Variants in SRSF11 observed in about 807,000 individuals in gnomAD.
SRSF11 encodes the protein serine and arginine rich splicing factor 11.
Under a neutral mutation model 56.0 loss-of-function variants are expected in SRSF11, and 9 were observed. That is an observed-to-expected ratio of 0.16 (90% CI 0.10 to 0.28). The LOEUF is 0.28. Among genes scored for constraint, SRSF11 ranks in the 10% least tolerant of loss-of-function variants. The pLI is 1.00. For missense variants in SRSF11, 421 were observed against 600.7 expected (o/e 0.70, Z 3.13); for synonymous variants, 222 against 215.3 (o/e 1.03, Z -0.27).
At chr1:70,231,303 T>G in intron 2 of SRSF11, 1 of 1,168,880 alleles carries the variant, frequency 8.6e-7, no homozygotes, top group Non-Finnish European at 1.1e-6. Flanking sequence ...ACTCTCATTT[T>G]GGGGGCTTGG....
At chr1:70,226,405 C>G (rs576878260) in intron 1 of SRSF11, among the ~76,000 whole-genome samples, 4 of 152,140 alleles carry the variant, frequency 2.6e-5, no homozygotes, top group African/African-American at 9.6e-5. Context: ...TGGAGCATTC[C>G]TATGCCATTA....
At chr1:70,207,759 T>G (rs567307269) in intron 1 of SRSF11, among the ~76,000 whole-genome samples, 1 of 150,248 alleles carries the variant, frequency 6.7e-6, no homozygotes, top group East Asian at 2.0e-4. Context: ...CAGGTCTCAC[T>G]CTGTCACCCA....
rs1338479496 is a variant in SRSF11 at position 70,252,582 on chromosome 1, CAA to C, written c.*1781_*1782del. 1 of 3,296 alleles carries C rather than the reference CAA, an allele frequency of 3.0e-4. No homozygotes were observed. The highest frequency in any genetic ancestry group is 9.5e-4 in the African/African-American group (1 of 1,052). 0.2% of individuals were successfully genotyped at this position (3,296 alleles called of 1,614,324 possible). On this transcript the variant is annotated 3_prime_UTR_variant, in exon 12 of 12. Coordinates refer to ENST00000370949, the MANE Select transcript of SRSF11 (RefSeq NM_001350605.2). The stretch of plus-strand genomic sequence containing the variant: ...GTAAGTAACTTTTTAAAGATTTTAT[CAA>C]AAAGAATTGTCTATAGTGAGTAAAA...
rs377434872 is a variant in SRSF11 at position 70,242,472 on chromosome 1, C to CTTTTTTTTTTTTTTT, written c.801-2202_801-2201insTTTTTTTTTTTTTTT. On this transcript the variant is annotated intron_variant, in intron 7 of 11. Transcript: ENST00000370949. ...CACCACACCTGGCTAATTTTTGCAC[C>CTTTTTTTTTTTTTTT]TTTTTTTTTTATGTAGAGACAGGGT... 1.3e-3 allele frequency among the ~76,000 whole-genome samples: 185 copies of CTTTTTTTTTTTTTTT among 139,358 alleles called. 3 individuals are homozygous for CTTTTTTTTTTTTTTT. The highest frequency in any genetic ancestry group is 4.5e-3 in the African/African-American group (168 of 37,020). 91.4% of individuals were successfully genotyped at this position (139,358 alleles called of 152,430 possible). A position where few individuals can be genotyped will look rare whatever the true frequency, so the allele number is the denominator to read the frequency against.
upstream of SRSF11, among the ~76,000 whole-genome samples, chr1:70,217,377 C>T (rs913281222): frequency 2.0e-5 from 3 of 152,074 alleles, no homozygotes; most frequent in Non-Finnish European, 4.4e-5. Flanking sequence ...AGGTTGGTCT[C>T]AACTCCCGAC....
rs1676339191 is a variant in SRSF11 at position 70,244,705 on chromosome 1, ACGG to A, written c.826_828del (p.Arg276del). 6.2e-7 allele frequency: 1 copy of A among 1,614,026 alleles called. No homozygotes were observed. Among genetic ancestry groups the A allele is most frequent in the African/African-American group, 1.3e-5 (1 of 74,918 alleles). The stretch of plus-strand genomic sequence containing the variant: ...TTAGGCGGTCAAGAAGCAGATCGAG[ACGG>A]CGGTCACATTCTAAGTCTAGGAGTC... On this transcript the variant is annotated inframe_deletion, in exon 8 of 12. Transcript: ENST00000370949.
Position 70,244,734 on chromosome 1 carries a change from G to C in SRSF11, c.851G>C (p.Arg284Pro). ...RRRSHSKSRS[R>P]RRSKSPRRRR... ...CGGTCACATTCTAAGTCTAGGAGTC[G>C]GCGACGATCCAAAAGCCCAAGGCGG... is the stretch of plus-strand genomic sequence containing the variant. Residue 284 changes from arginine (R) to proline (P), a missense_variant, in exon 8 of 12, where the codon CGG becomes CCG. By Grantham distance (103) the Arg-to-Pro change is moderately radical (BLOSUM62 -2). Coordinates refer to ENST00000370949, the MANE Select transcript of SRSF11 (RefSeq NM_001350605.2). The C allele has an allele frequency of 6.2e-7, 1 of 1,614,120 alleles. No individual in the cohort carries two copies. Among genetic ancestry groups the C allele is most frequent in the Non-Finnish European group, 8.5e-7 (1 of 1,180,016 alleles).
At chr1:70,223,954 A>G (rs1054587030) in intron 1 of SRSF11, among the ~76,000 whole-genome samples, 3 of 152,218 alleles carry the variant, frequency 2.0e-5, no homozygotes, top group Non-Finnish European at 2.9e-5. Flanking sequence ...TTCCACATCC[A>G]TGGATTCAGC....
intron 9 of SRSF11, 46 bp downstream of exon 9, chr1:70,246,953 C>T (rs1311328065): frequency 6.7e-7 from 1 of 1,498,056 alleles, no homozygotes; most frequent in Admixed American, 1.9e-5. Context: ...TTTAACTTTG[C>T]TTCTAACAGT....
chr1:70,249,724 ATTT>A (rs1301107935), intron 9 of SRSF11: 1 of 421,032 alleles, frequency 2.4e-6, no homozygotes, highest in Non-Finnish European at 4.4e-6. Flanking sequence ...CACCTGGCTA[ATTT>A]TTTTGTATTT....
chr1:70,237,535 C>T lies in SRSF11; in HGVS notation c.701C>T (p.Ser234Phe). Residue 234 changes from serine to phenylalanine, a missense_variant, in exon 6 of 12, where the codon TCT (serine) becomes TTT (phenylalanine). By Grantham distance (155) the Ser-to-Phe change is radical. Coordinates refer to ENST00000370949, the MANE Select transcript of SRSF11 (RefSeq NM_001350605.2). ...KRVREAQSLI[S>F]AAIEPDKKEE... is the part of the protein sequence containing the mutation. ...GTACGAGAAGCACAGTCCCTAATTTCTGCTGCTATAGAACCAGGTAAACAA... is the reference window on the plus strand; with the variant it reads ...GTACGAGAAGCACAGTCCCTAATTTTTGCTGCTATAGAACCAGGTAAACAA... The T allele has an allele frequency of 6.2e-7, 1 of 1,613,494 alleles. No individual in the cohort carries two copies. The highest frequency in any genetic ancestry group is 8.5e-7 in the Non-Finnish European group (1 of 1,179,876).
chr1:70,238,335 G>T (rs1674573146), intron 6 of SRSF11, among the ~76,000 whole-genome samples: 1 of 152,144 alleles, frequency 6.6e-6, no homozygotes, highest in Non-Finnish European at 1.5e-5. Flanking sequence ...GAAAATATAT[G>T]ATTAAAGTGA....
intron 1 of SRSF11, 128 bp from the exon 2 acceptor site, chr1:70,228,294 T>TGTAG: frequency 1.6e-6 from 1 of 622,666 alleles, no homozygotes; most frequent in Non-Finnish European, 2.7e-6. Flanking sequence ...TTCTTTTGAA[T>TGTAG]TTAACTACAT....
chr1:70,249,868 C>T, intron 9 of SRSF11, 84 bp from the exon 10 acceptor site: 1 of 1,429,328 alleles, frequency 7.0e-7, no homozygotes, highest in Admixed American at 1.7e-5. Flanking sequence ...CCACATCTTT[C>T]ATTGTTAGAA....
Position 70,252,686 on chromosome 1 carries a change from T to C in SRSF11, c.*1881T>C, listed in dbSNP as rs946837914. The C allele has an allele frequency of 3.3e-5, 5 of 152,326 alleles. No homozygotes were observed. The highest frequency in any genetic ancestry group is 6.5e-5 in the Admixed American group (1 of 15,302). The allele number at this position is 152,326 out of a possible 1,614,324, so 9.4% of individuals were successfully genotyped here. A position where few individuals can be genotyped will look rare whatever the true frequency, so the allele number is the denominator to read the frequency against. On this transcript the variant is annotated 3_prime_UTR_variant, in exon 12 of 12. Transcript: ENST00000370949. ...CACAAATGACATTTGTTTTAAACTT[T>C]AGTAGATAAAAGGTGAACCATGTGA...
chr1:70,237,297 TG>T (rs1674341342), intron 5 of SRSF11, 127 bp from the exon 6 acceptor site: 1 of 1,155,348 alleles, frequency 8.7e-7, no homozygotes, highest in African/African-American at 1.6e-5. Context: ...AAAGTTATCA[TG>T]GAGTCCTCCC....
chr1:70,233,528 C>T (rs1673298169), intron 3 of SRSF11, among the ~76,000 whole-genome samples: 1 of 152,206 alleles, frequency 6.6e-6, no homozygotes, highest in African/African-American at 2.4e-5. Flanking sequence ...GCGTGAGCCA[C>T]CGCGCCCAGT....
chr1:70,237,764 G>GTT (rs1474539028), intron 6 of SRSF11, among the ~76,000 whole-genome samples: 4 of 152,346 alleles, frequency 2.6e-5, no homozygotes, highest in Middle Eastern at 3.4e-3. Flanking sequence ...GGACCAACAT[G>GTT]TTGCTAGATA....
intron 9 of SRSF11, chr1:70,247,220 A>G: frequency 1.8e-6 from 1 of 546,634 alleles, no homozygotes; most frequent in Non-Finnish European, 2.4e-6. Flanking sequence ...AAGTAAGCTT[A>G]TTATAGTAAG....
Sources: gnomAD v4.1 joint callset for allele counts (sites outside exome capture counted in the v4.1 genomes callset) on GRCh38, gnomAD v4.1.1 for gene constraint, MANE v1.5 for transcripts, NCBI Gene and HGNC (gene_info 2026-07-23, HGNC 2026-07-21) for gene names.